MIGA1: variants seen among roughly 807,000 people sequenced by gnomAD.
The protein encoded by MIGA1 is family with sequence similarity 73, member A.
MIGA1 carries 58 observed loss-of-function variants against 82.0 expected under a neutral mutation model. That is an observed-to-expected ratio of 0.71 (90% CI 0.57 to 0.88). The LOEUF is 0.88. Among genes scored for constraint, MIGA1 ranks in the 40% least tolerant of loss-of-function variants. The probability of loss-of-function intolerance (pLI) is 0.00; values close to 1 mark genes in which losing one functional copy is unlikely to be tolerated. For missense variants in MIGA1, 751 were observed against 749.1 expected (o/e 1.00, Z -0.03); for synonymous variants, 249 against 253.6 (o/e 0.98, Z 0.17).
chr1:77,820,267 A>G (rs759788334), intron 7 of MIGA1, among the ~76,000 whole-genome samples: 1 of 152,126 alleles, frequency 6.6e-6, no homozygotes, highest in Non-Finnish European at 1.5e-5. Context: ...GAGGCAAGCT[A>G]TGTGAGACAG....
intron 5 of MIGA1, among the ~76,000 whole-genome samples, chr1:77,813,096 A>G (rs1023053533): frequency 5.9e-5 from 9 of 151,870 alleles, no homozygotes; most frequent in Admixed American, 4.6e-4. Context: ...ATTCTCCCGC[A>G]TCAGCCTCCT....
chr1:77,852,701 T>G (rs1238702254), intron 8 of MIGA1, among the ~76,000 whole-genome samples: 1 of 152,182 alleles, frequency 6.6e-6, no homozygotes, highest in East Asian at 1.9e-4. Context: ...ATTTATTTGT[T>G]TATTTGAGAG....
At chr1:77,792,867 C>A (rs1022374460) in intron 2 of MIGA1, among the ~76,000 whole-genome samples, 2 of 147,964 alleles carry the variant, frequency 1.4e-5, no homozygotes, top group African/African-American at 5.0e-5. Flanking sequence ...CAGCTCACTG[C>A]AACCTCTGCC....
chr1:77,784,577 C>T (rs1385337787), intron 2 of MIGA1, among the ~76,000 whole-genome samples: 1 of 152,200 alleles, frequency 6.6e-6, no homozygotes, highest in Non-Finnish European at 1.5e-5. Flanking sequence ...AGTAGCTGTA[C>T]CACTTTACGT....
chr1:77,790,333 C>T (rs1284342925), intron 2 of MIGA1, among the ~76,000 whole-genome samples: 3 of 152,244 alleles, frequency 2.0e-5, no homozygotes, highest in African/African-American at 7.2e-5. Context: ...GTGACGCAGT[C>T]TCAGCTCACT....
At position 77,876,524 on chromosome 1, in the gene MIGA1, T is replaced by A. The variant is rs1189378804; in HGVS notation, c.*1460T>A. 1 of 152,204 alleles carries A rather than the reference T, an allele frequency of 6.6e-6. No individual in the cohort carries two copies. Among genetic ancestry groups the A allele is most frequent in the African/African-American group, 2.4e-5 (1 of 41,452 alleles). 9.4% of individuals were successfully genotyped at this position (152,204 alleles called of 1,614,324 possible). The stretch of plus-strand genomic sequence containing the variant: ...AACATTTATTAATTAATAAAGGCAA[T>A]TTAAAATTTAGTGTTATTTGAAGAC... On this transcript the variant is annotated 3_prime_UTR_variant, in exon 16 of 16. Transcript: ENST00000370791.
rs570830733 is a variant in MIGA1 at position 77,815,301 on chromosome 1, A to C, written c.895+70A>C. The stretch of plus-strand genomic sequence containing the variant: ...CTTTTATATCCTTGGAATCATCTGC[A>C]TAAGTGTCTGTCTTATGTAATAATA... On this transcript the variant is annotated intron_variant, in intron 7 of 15. Transcript: ENST00000370791. 2.5e-5 allele frequency: 32 copies of C among 1,286,078 alleles called. No homozygotes were observed. In the Admixed American group the frequency reaches 7.6e-4, roughly 31 times the overall value. The allele number at this position is 1,286,078 out of a possible 1,614,324, so 79.7% of individuals were successfully genotyped here.
At chr1:77,807,184 C>T (rs993128699) in intron 5 of MIGA1, 83 bp downstream of exon 5, 6 of 1,085,886 alleles carry the variant, frequency 5.5e-6, no homozygotes, top group African/African-American at 3.1e-5. Context: ...TTGAGACAGA[C>T]AGGGTCTCAC....
chr1:77,823,004 G>A (rs1414706017), intron 7 of MIGA1, among the ~76,000 whole-genome samples: 1 of 151,974 alleles, frequency 6.6e-6, no homozygotes, highest in Non-Finnish European at 1.5e-5. Flanking sequence ...CACCACGCCA[G>A]GCTAATTTTT....
At position 77,877,434 on chromosome 1, in the gene MIGA1, T is replaced by C. The variant is rs1389603059; in HGVS notation, c.*2370T>C. On this transcript the variant is annotated 3_prime_UTR_variant, in exon 16 of 16. Coordinates refer to ENST00000370791, the MANE Select transcript of MIGA1 (RefSeq NM_198549.4). The stretch of plus-strand genomic sequence containing the variant: ...TTAACAATTACCTATTTATAGTTCT[T>C]ATTATTGACGGGAATATGATTAGAA... The C allele has an allele frequency of 6.6e-6, 1 of 152,206 alleles. No individual in the cohort carries two copies. The highest frequency in any genetic ancestry group is 2.4e-5 in the African/African-American group (1 of 41,462). The allele number at this position is 152,206 out of a possible 1,614,324, so 9.4% of individuals were successfully genotyped here.
Position 77,837,648 on chromosome 1 carries a change from C to T in MIGA1, c.896-5659C>T, listed in dbSNP as rs543277536. 3.9e-5 allele frequency among the ~76,000 whole-genome samples: 6 copies of T among 152,300 alleles called. 1 individual carries two copies. In the South Asian group the frequency reaches 1.0e-3, roughly 26 times the overall value. On this transcript the variant is annotated intron_variant, in intron 7 of 15. Transcript: ENST00000370791. ...ATGTTTATTTTGATTAATTGCATCA[C>T]GCTTCTATTGTTATGATTAAATAGC...
chr1:77,864,672 A>G (rs1472725527), intron 13 of MIGA1, among the ~76,000 whole-genome samples: 2 of 152,184 alleles, frequency 1.3e-5, no homozygotes, highest in African/African-American at 4.8e-5. Context: ...GTGCAACTCT[A>G]TCTCAAAAAA....
chr1:77,801,533 T>G, intron 3 of MIGA1, 25 bp downstream of exon 3: 2 of 1,549,328 alleles, frequency 1.3e-6, no homozygotes, highest in South Asian at 1.3e-5. Context: ...TTGAAGTAAG[T>G]GTACAAAAGT....
At chr1:77,860,202 T>G in intron 11 of MIGA1, 76 bp downstream of exon 11, 1 of 1,073,206 alleles carries the variant, frequency 9.3e-7, no homozygotes, top group East Asian at 2.5e-5. Context: ...GATTAAGACA[T>G]TAAATTTTTG....
At chr1:77,866,846 A>AT (rs1476258768) in intron 14 of MIGA1, among the ~76,000 whole-genome samples, 2 of 151,568 alleles carry the variant, frequency 1.3e-5, no homozygotes. Context: ...CACCCGGCTA[A>AT]TTTTTTTATT....
At chr1:77,862,823 C>G (rs1407684588) in intron 12 of MIGA1, among the ~76,000 whole-genome samples, 1 of 151,828 alleles carries the variant, frequency 6.6e-6, no homozygotes, top group East Asian at 1.9e-4. Flanking sequence ...TGCCTGTAAT[C>G]CCAGCTACTC....
chr1:77,832,278 A>G (rs2101859429), intron 7 of MIGA1, among the ~76,000 whole-genome samples: 1 of 152,352 alleles, frequency 6.6e-6, no homozygotes, highest in South Asian at 2.1e-4. Flanking sequence ...TTACAGAATG[A>G]GCTCACAGAA....
At position 77,843,423 on chromosome 1, in the gene MIGA1, T is replaced by C; in HGVS notation, c.996+16T>C. 3.1e-6 allele frequency: 5 copies of C among 1,587,350 alleles called. No homozygotes were observed. The highest frequency in any genetic ancestry group is 4.3e-6 in the Non-Finnish European group (5 of 1,156,052). On this transcript the variant is annotated intron_variant, in intron 8 of 15. Coordinates refer to ENST00000370791, the MANE Select transcript of MIGA1 (RefSeq NM_198549.4). The stretch of plus-strand genomic sequence containing the variant: ...CGCAGCAGAGGTAGGACATATGTGT[T>C]CCTAATGAGGATTTCTGTTTCTTTT...
At chr1:77,819,430 C>T (rs577747507) in intron 7 of MIGA1, among the ~76,000 whole-genome samples, 3 of 152,032 alleles carry the variant, frequency 2.0e-5, no homozygotes, top group South Asian at 4.2e-4. Flanking sequence ...ATTACAGGCA[C>T]GTGCCACCAT....
Sources: allele counts gnomAD v4.1 joint callset (sites outside exome capture counted in the v4.1 genomes callset), GRCh38; gene constraint gnomAD v4.1.1; transcripts MANE v1.5; gene names NCBI Gene and HGNC (gene_info 2026-07-23, HGNC 2026-07-21).